The following MALL variants were observed in gnomAD, a reference collection of about 807,000 sequenced individuals.
The protein encoded by MALL is MAL-like protein.
A neutral mutation model predicts 10.3 loss-of-function variants in MALL; 2 were observed. That is an observed-to-expected ratio of 0.19 (90% CI 0.08 to 0.61). MALL has a LOEUF of 0.61. Among genes scored for constraint, MALL ranks in the 20% least tolerant of loss-of-function variants. The pLI is 0.88. For synonymous variants in MALL, 27 were observed against 51.8 expected (o/e 0.52, Z 2.05); for missense variants, 39 against 115.2 (o/e 0.34, Z 3.03).
intron 1 of MALL, among the ~76,000 whole-genome samples, chr2:110,110,042 AT>A (rs1159348823): frequency 6.6e-6 from 1 of 152,152 alleles, no homozygotes; most frequent in African/African-American, 2.4e-5. Flanking sequence ...GACACAACTT[AT>A]CAAAACCTCT....
At chr2:110,117,612 TGTGTGTGTGTGTGA>T (rs1182460788), upstream of MALL, among the ~76,000 whole-genome samples, 1 of 133,562 alleles carries the variant, frequency 7.5e-6, no homozygotes, top group Non-Finnish European at 1.6e-5. Context: ...TGTGTGTGTG[TGTGTGTGTGTGTGA>T]GAGAGAGAGA....
chr2:110,096,628 C>T (rs1371879872), intron 1 of MALL, among the ~76,000 whole-genome samples: 1 of 151,812 alleles, frequency 6.6e-6, no homozygotes, highest in Non-Finnish European at 1.5e-5. Context: ...GATCAATCAG[C>T]TGGGTGGGTG....
At chr2:110,098,426 C>T (rs1203134660) in intron 1 of MALL, among the ~76,000 whole-genome samples, 3 of 152,038 alleles carry the variant, frequency 2.0e-5, no homozygotes, top group Admixed American at 6.6e-5. Flanking sequence ...TTCTACTTTC[C>T]GTCTACTCTG....
At chr2:110,096,108 C>T (rs748012036) in intron 1 of MALL, among the ~76,000 whole-genome samples, 5 of 152,148 alleles carry the variant, frequency 3.3e-5, no homozygotes, top group African/African-American at 9.7e-5. Flanking sequence ...CACTACCCTC[C>T]GGGCGGCACT....
chr2:110,109,003 C>T (rs571284781), intron 1 of MALL, among the ~76,000 whole-genome samples: 2 of 152,142 alleles, frequency 1.3e-5, no homozygotes, highest in Non-Finnish European at 2.9e-5. Context: ...AGAGAATTTG[C>T]CATTACCAAA....
At chr2:110,102,855 A>T (rs759228527) in intron 1 of MALL, among the ~76,000 whole-genome samples, 1 of 151,922 alleles carries the variant, frequency 6.6e-6, no homozygotes, top group South Asian at 2.1e-4. Context: ...ATGCCCCACC[A>T]CCCTGGTACA....
intron 1 of MALL, among the ~76,000 whole-genome samples, chr2:110,100,531 G>T (rs754494773): frequency 6.6e-6 from 1 of 151,944 alleles, no homozygotes; most frequent in African/African-American, 2.4e-5. Context: ...AGCGTTTTGT[G>T]TACAGGAAAG....
chr2:110,117,083 C>G (rs1426876086), upstream of MALL, among the ~76,000 whole-genome samples: 1 of 152,120 alleles, frequency 6.6e-6, no homozygotes, highest in Non-Finnish European at 1.5e-5. Context: ...CAATGAACCC[C>G]CCAGTGGATC....
At chr2:110,116,859 G>A (rs1228517360), upstream of MALL, among the ~76,000 whole-genome samples, 1 of 152,134 alleles carries the variant, frequency 6.6e-6, no homozygotes, top group African/African-American at 2.4e-5. Context: ...GCTCCCTGGT[G>A]TGGAGAGCAT....
intron 1 of MALL, among the ~76,000 whole-genome samples, chr2:110,105,458 G>A (rs1298571923): frequency 2.6e-5 from 4 of 152,208 alleles, no homozygotes; most frequent in African/African-American, 4.8e-5. Flanking sequence ...CGGGCACAGA[G>A]GTTGGTGGCT....
chr2:110,098,008 C>T (rs1166098128), intron 1 of MALL, among the ~76,000 whole-genome samples: 1 of 151,958 alleles, frequency 6.6e-6, no homozygotes, highest in African/African-American at 2.4e-5. Flanking sequence ...GGTCCCACCA[C>T]GGGCCAGGCA....
At chr2:110,112,848 C>G (rs1482033008) in intron 1 of MALL, among the ~76,000 whole-genome samples, 1 of 150,296 alleles carries the variant, frequency 6.7e-6, no homozygotes, top group Non-Finnish European at 1.5e-5. Flanking sequence ...GCCCATCAAT[C>G]AATGGGTAGA....
intron 1 of MALL, among the ~76,000 whole-genome samples, chr2:110,115,215 T>C (rs1005167689): frequency 1.3e-5 from 2 of 152,140 alleles, no homozygotes; most frequent in East Asian, 1.9e-4. Flanking sequence ...GTCTCCTCAC[T>C]TCAAACCAGA....
intron 1 of MALL, among the ~76,000 whole-genome samples, chr2:110,102,450 G>C (rs956904295): frequency 6.6e-6 from 1 of 152,162 alleles, no homozygotes; most frequent in Non-Finnish European, 1.5e-5. Context: ...CTCTGTCCCT[G>C]GAGTACAGCA....
At chr2:110,113,660 T>C (rs1303707287) in intron 1 of MALL, among the ~76,000 whole-genome samples, 2 of 151,992 alleles carry the variant, frequency 1.3e-5, no homozygotes, top group Admixed American at 6.6e-5. Flanking sequence ...ACCCAGATTT[T>C]CCCAAATTAA....
At chr2:110,108,783 G>A (rs980711341) in intron 1 of MALL, among the ~76,000 whole-genome samples, 1 of 152,154 alleles carries the variant, frequency 6.6e-6, no homozygotes, top group African/African-American at 2.4e-5. Context: ...CTTAAGAGCT[G>A]TGAGACAAAA....
At chr2:110,110,592 A>C (rs1345084202) in intron 1 of MALL, among the ~76,000 whole-genome samples, 1 of 152,138 alleles carries the variant, frequency 6.6e-6, no homozygotes, top group Non-Finnish European at 1.5e-5. Context: ...TTACCAACAA[A>C]AAAAGTCCAA....
At chr2:110,098,621 C>A (rs779073349) in intron 1 of MALL, among the ~76,000 whole-genome samples, 2 of 152,162 alleles carry the variant, frequency 1.3e-5, no homozygotes, top group Non-Finnish European at 2.9e-5. Flanking sequence ...TTTGCTTATA[C>A]GCATTTGGGT....
chr2:110,106,628 G>T (rs1678701890), intron 1 of MALL, among the ~76,000 whole-genome samples: 1 of 152,094 alleles, frequency 6.6e-6, no homozygotes, highest in African/African-American at 2.4e-5. Context: ...AAACACAGAA[G>T]TTATTCTCCA....
Sources: gnomAD v4.1 joint callset for allele counts (sites outside exome capture counted in the v4.1 genomes callset) on GRCh38, gnomAD v4.1.1 for gene constraint, MANE v1.5 for transcripts, NCBI Gene and HGNC (gene_info 2026-07-23, HGNC 2026-07-21) for gene names.